The following MYPN variants were observed in gnomAD, a reference collection of about 807,000 sequenced individuals.
The protein encoded by MYPN is myopalladin, also known as sarcomeric protein myopalladin, 145 kDa (MYOP).
MYPN carries 63 observed loss-of-function variants against 129.4 expected under a neutral mutation model. The ratio of observed to expected loss-of-function variants is 0.49; its 90% confidence interval spans 0.40 to 0.60. The LOEUF (loss-of-function observed/expected upper bound fraction) is 0.60. Ranked by LOEUF, MYPN falls within the 20% of genes least tolerant of loss-of-function variation. MYPN has a pLI of 0.00. For missense variants in MYPN, 1,596 were observed against 1,635.4 expected (o/e 0.98, Z 0.42); for synonymous variants, 629 against 600.9 (o/e 1.05, Z -0.68).
intron 1 of MYPN, among the ~76,000 whole-genome samples, chr10:68,094,527 G>A (rs576521641): frequency 2.0e-5 from 3 of 152,146 alleles, no homozygotes; most frequent in South Asian, 2.1e-4. Flanking sequence ...TTCCCAAAGC[G>A]CTGGGATTAC....
chr10:68,114,865 AT>A (rs1416976835), intron 1 of MYPN, among the ~76,000 whole-genome samples: 1 of 152,178 alleles, frequency 6.6e-6, no homozygotes, highest in Non-Finnish European at 1.5e-5. Context: ...CATCAATGCC[AT>A]GATCTGTTTT....
intron 17 of MYPN, among the ~76,000 whole-genome samples, chr10:68,201,333 A>G (rs1436074102): frequency 6.6e-6 from 1 of 152,192 alleles, no homozygotes; most frequent in Non-Finnish European, 1.5e-5. Flanking sequence ...TGAAGCTTTT[A>G]TCAAGGCAGT....
At chr10:68,131,687 G>A (rs906977853) in intron 2 of MYPN, among the ~76,000 whole-genome samples, 2 of 152,122 alleles carry the variant, frequency 1.3e-5, no homozygotes, top group Admixed American at 6.5e-5. Context: ...CTTCATAGGC[G>A]GTATTCTTTA....
intron 2 of MYPN, chr10:68,136,506 T>A: frequency 7.3e-7 from 1 of 1,365,512 alleles, no homozygotes; most frequent in Non-Finnish European, 9.5e-7. Context: ...AGGGTAAATT[T>A]AATACCTTTT....
Position 68,199,494 on chromosome 10 carries a change from C to T in MYPN, c.3412C>T (p.Gln1138Ter). The change falls in exon 17 of 20, where the codon CAG (glutamine) becomes TAG (stop). Residue 1138 changes from glutamine to a stop codon, truncating the protein, a stop_gained. Coordinates refer to ENST00000358913, the MANE Select transcript of MYPN (RefSeq NM_032578.4). LOFTEE classifies it high-confidence loss of function. ...VHSLLIDPLT[Q>*]RDAGTYKCIA... ...CTCTCTGCTCATTGACCCACTCACT[C>T]AGCGCGACGCAGGGACCTATAAGTG... 1 of 1,614,130 alleles carries T rather than the reference C, an allele frequency of 6.2e-7. No individual in the cohort carries two copies. The highest frequency in any genetic ancestry group is 8.5e-7 in the Non-Finnish European group (1 of 1,180,012).
In MYPN at chr10:68,195,248, G is replaced by A. The variant is rs148246035; in HGVS notation, c.3076-202G>A. 2.6e-4 allele frequency among the ~76,000 whole-genome samples: 40 copies of A among 152,110 alleles called. 1 individual carries two copies. The highest frequency in any genetic ancestry group is 3.4e-3 in the Middle Eastern group (1 of 294). ...ATATCTCAGTTTAAAAATGAAAGTCGTTACCATACTCTTAAAAATCTCTCC... is the reference window on the plus strand; with the variant it reads ...ATATCTCAGTTTAAAAATGAAAGTCATTACCATACTCTTAAAAATCTCTCC... On this transcript the variant is annotated intron_variant, in intron 14 of 19. Coordinates refer to ENST00000358913, the MANE Select transcript of MYPN (RefSeq NM_032578.4).
upstream of MYPN, among the ~76,000 whole-genome samples, chr10:68,105,711 T>C (rs2042006589): frequency 6.6e-6 from 1 of 152,236 alleles, no homozygotes; most frequent in African/African-American, 2.4e-5. Context: ...GGAAGTGTTG[T>C]AATAATTGAT....
At chr10:68,117,867 C>T (rs1345363010) in intron 1 of MYPN, among the ~76,000 whole-genome samples, 1 of 151,650 alleles carries the variant, frequency 6.6e-6, no homozygotes, top group Non-Finnish European at 1.5e-5. Flanking sequence ...TTAATCATCA[C>T]TTCTACCTAT....
At chr10:68,147,199 G>C (rs1270660132) in intron 4 of MYPN, among the ~76,000 whole-genome samples, 2 of 152,034 alleles carry the variant, frequency 1.3e-5, no homozygotes, top group African/African-American at 4.8e-5. Flanking sequence ...CTGTTGCCCA[G>C]GCTAGAGTGC....
chr10:68,122,131 G>C lies in MYPN; in HGVS notation c.693G>C (p.Gln231His), dbSNP rs1188978880. Residue 231 changes from glutamine to histidine, a missense_variant, in exon 2 of 20, where the codon CAG becomes CAC. By Grantham distance (24) the Gln-to-His change is conservative. Transcript: ENST00000358913. The stretch of plus-strand genomic sequence containing the variant: ...AAGTGAATCACGCCCTGGAACAGCA[G>C]GAAGCCAAGAGGCGTGAAGCGGAGC... ...DNEVNHALEQQEAKRREAEQA... is the reference protein window; with the variant it reads ...DNEVNHALEQHEAKRREAEQA... The C allele has an allele frequency of 1.9e-6, 3 of 1,613,954 alleles. No homozygotes were observed. The highest frequency in any genetic ancestry group is 1.6e-4 in the Middle Eastern group (1 of 6,062).
chr10:68,174,512 T>G lies in MYPN; in HGVS notation c.2420T>G (p.Phe807Cys). Reference protein sequence around the residue: ...FTFSIPSGNQFQPRCVSPIPV... With the variant: ...FTFSIPSGNQCQPRCVSPIPV... Reference sequence around the variant, plus strand: ...TTTTCCATCCCCAGCGGAAACCAGTTTCAGCCCCGCTGTGTGTCCCCAATT... The same window carrying G: ...TTTTCCATCCCCAGCGGAAACCAGTGTCAGCCCCGCTGTGTGTCCCCAATT... The change falls in exon 11 of 20, where the codon TTT (phenylalanine) becomes TGT (cysteine). Residue 807 changes from phenylalanine to cysteine, a missense_variant. Phe to Cys is a radical substitution (Grantham distance 205, BLOSUM62 -2). Transcript: ENST00000358913. 6.2e-7 allele frequency: 1 copy of G among 1,614,094 alleles called. No individual in the cohort carries two copies. Among genetic ancestry groups the G allele is most frequent in the Non-Finnish European group, 8.5e-7 (1 of 1,179,984 alleles).
chr10:68,189,155 C>A (rs1215675767), intron 13 of MYPN, 29 bp downstream of exon 13: 1 of 1,523,840 alleles, frequency 6.6e-7, no homozygotes, highest in African/African-American at 1.4e-5. Flanking sequence ...CAGTTGGCCA[C>A]CTCACAGCAT....
chr10:68,114,230 C>T (rs1238318063), intron 1 of MYPN: 2 of 152,100 alleles, frequency 1.3e-5, no homozygotes, highest in Non-Finnish European at 2.9e-5. Flanking sequence ...TTTCCAACAA[C>T]AGGGTCTTCT....
intron 6 of MYPN, among the ~76,000 whole-genome samples, chr10:68,155,707 C>G (rs2042860965): frequency 6.6e-6 from 1 of 152,182 alleles, no homozygotes; most frequent in Non-Finnish European, 1.5e-5. Context: ...TGTGAGCCAG[C>G]TCTTTCTCAC....
At chr10:68,091,707 C>A (rs967092262) in intron 1 of MYPN, among the ~76,000 whole-genome samples, 5 of 151,304 alleles carry the variant, frequency 3.3e-5, no homozygotes, top group Admixed American at 2.6e-4. Flanking sequence ...AGACTACAGC[C>A]CAAATTTGCT....
At chr10:68,169,760 G>C (rs2043116689) in intron 10 of MYPN, among the ~76,000 whole-genome samples, 1 of 149,330 alleles carries the variant, frequency 6.7e-6, no homozygotes, top group African/African-American at 2.5e-5. Context: ...TTTTCTCCAA[G>C]ATGGAGTCTT....
intron 6 of MYPN, among the ~76,000 whole-genome samples, chr10:68,152,912 A>G (rs1029561875): frequency 6.6e-6 from 1 of 151,426 alleles, no homozygotes; most frequent in Non-Finnish European, 1.5e-5. Flanking sequence ...TGGGATTACA[A>G]GCATGAACCA....
At chr10:68,192,176 C>T (rs928075104) in intron 13 of MYPN, among the ~76,000 whole-genome samples, 1 of 152,152 alleles carries the variant, frequency 6.6e-6, no homozygotes, top group African/African-American at 2.4e-5. Context: ...GTTCCTTCTA[C>T]ACTCAATTTG....
chr10:68,185,384 T>C (rs1485241360), intron 12 of MYPN, among the ~76,000 whole-genome samples: 1 of 152,130 alleles, frequency 6.6e-6, no homozygotes, highest in Non-Finnish European at 1.5e-5. Flanking sequence ...TTCTTTATGA[T>C]TTACCCATAG....
Sources: gnomAD v4.1 joint callset for allele counts (sites outside exome capture counted in the v4.1 genomes callset) on GRCh38, gnomAD v4.1.1 for gene constraint, MANE v1.5 for transcripts, NCBI Gene and HGNC (gene_info 2026-07-23, HGNC 2026-07-21) for gene names.